The following STOX1 variants were observed in gnomAD, a reference collection of about 807,000 sequenced individuals.
STOX1 encodes the protein storkhead-box protein 1.
A neutral mutation model predicts 74.8 loss-of-function variants in STOX1; 57 were observed. The ratio of observed to expected loss-of-function variants is 0.76; its 90% CI spans 0.62 to 0.95. The LOEUF (loss-of-function observed/expected upper bound fraction) is 0.95, where lower values mean the gene tolerates loss of function less well. Ranked by LOEUF, STOX1 falls within the 40% of genes least tolerant of loss-of-function variation. The pLI, the probability that STOX1 is intolerant of heterozygous loss-of-function variation, is 0.00. For missense variants in STOX1, 1,010 were observed against 1,117.0 expected (o/e 0.90, Z 1.37); for synonymous variants, 375 against 401.3 (o/e 0.93, Z 0.78).
intron 2 of STOX1, 105 bp downstream of exon 2, chr10:68,882,215 C>A: frequency 8.8e-7 from 1 of 1,130,220 alleles, no homozygotes; most frequent in Non-Finnish European, 1.3e-6. Context: ...TTTTTCCCCT[C>A]TTCTATAGAA....
At chr10:68,875,925 A>G (rs1392018613) in intron 1 of STOX1, among the ~76,000 whole-genome samples, 1 of 152,168 alleles carries the variant, frequency 6.6e-6, no homozygotes, top group East Asian at 1.9e-4. Flanking sequence ...TTTGATAGTG[A>G]AGAGCTCAGT....
Position 68,884,283 on chromosome 10 carries a change from A to AG in STOX1, c.487_488insG (p.Ile163SerfsTer11), listed in dbSNP as rs1229277884. On this transcript the variant is annotated frameshift_variant, in exon 3 of 4. Transcript: ENST00000298596. LOFTEE classifies it high-confidence loss of function. ...AGGCATTGCAATTCCATCGGAAGAT[A>AG]TTCTTTATACCACTCTGGGAACGCT... is the stretch of plus-strand genomic sequence containing the variant. The AG allele has an allele frequency of 6.2e-7, 1 of 1,614,064 alleles. No homozygotes were observed. Among genetic ancestry groups the AG allele is most frequent in the Non-Finnish European group, 8.5e-7 (1 of 1,180,038 alleles).
At chr10:68,863,256 C>T (rs1840306101) in intron 1 of STOX1, among the ~76,000 whole-genome samples, 1 of 152,076 alleles carries the variant, frequency 6.6e-6, no homozygotes, top group Non-Finnish European at 1.5e-5. Context: ...TAGAATTGTT[C>T]TCTGTGTCAG....
chr10:68,864,575 C>G (rs902430772), intron 1 of STOX1, among the ~76,000 whole-genome samples: 1 of 152,134 alleles, frequency 6.6e-6, no homozygotes, highest in Non-Finnish European at 1.5e-5. Flanking sequence ...ATCATAGTAG[C>G]GATTTGATCC....
chr10:68,837,529 G>A (rs532549581), intron 1 of STOX1, among the ~76,000 whole-genome samples: 1 of 152,326 alleles, frequency 6.6e-6, no homozygotes, highest in Non-Finnish European at 1.5e-5. Flanking sequence ...TTATAATCCT[G>A]TTTACATGAT....
At chr10:68,865,564 G>T (rs921058299) in intron 1 of STOX1, among the ~76,000 whole-genome samples, 2 of 152,156 alleles carry the variant, frequency 1.3e-5, no homozygotes, top group African/African-American at 2.4e-5. Context: ...CAGGAGAATG[G>T]CATGAACCTG....
chr10:68,865,006 G>C (rs1463371620), intron 1 of STOX1, among the ~76,000 whole-genome samples: 1 of 152,186 alleles, frequency 6.6e-6, no homozygotes, highest in Non-Finnish European at 1.5e-5. Context: ...AGGAGTAGTA[G>C]TCTGAATTTT....
intron 1 of STOX1, among the ~76,000 whole-genome samples, chr10:68,831,389 G>A (rs1331168034): frequency 6.6e-6 from 1 of 152,110 alleles, no homozygotes; most frequent in Non-Finnish European, 1.5e-5. Flanking sequence ...GTTTCACCAT[G>A]TTGGGCATGC....
chr10:68,857,637 A>G (rs1027119714), intron 1 of STOX1, among the ~76,000 whole-genome samples: 8 of 152,104 alleles, frequency 5.3e-5, no homozygotes, highest in Admixed American at 2.6e-4. Flanking sequence ...TAAAAGACAA[A>G]GATTCTGTTT....
At position 68,885,470 on chromosome 10, in the gene STOX1, A is replaced by T; in HGVS notation, c.1674A>T (p.Lys558Asn). Residue 558 changes from lysine (K) to asparagine (N), a missense_variant, in exon 3 of 4, where the codon AAA becomes AAT. Coordinates refer to ENST00000298596, the MANE Select transcript of STOX1 (RefSeq NM_152709.5). ...KEPYAEQPNDKMEAESIYIND... is the reference protein window; with the variant it reads ...KEPYAEQPNDNMEAESIYIND... ...CATATGCTGAACAACCTAATGATAA[A>T]ATGGAAGCAGAATCCATTTACATAA... 6.2e-7 allele frequency: 1 copy of T among 1,614,156 alleles called. No homozygotes were observed. Among genetic ancestry groups the T allele is most frequent in the South Asian group, 1.1e-5 (1 of 91,084 alleles).
At chr10:68,847,714 TAGA>T (rs376546007) in intron 1 of STOX1, among the ~76,000 whole-genome samples, 148 of 149,510 alleles carry the variant, frequency 9.9e-4, no homozygotes, top group African/African-American at 3.5e-3. Context: ...CGCTGGAAGG[TAGA>T]AGTTTTTTTT....
intron 1 of STOX1, among the ~76,000 whole-genome samples, chr10:68,860,285 C>T (rs1010730081): frequency 2.7e-5 from 4 of 149,482 alleles, no homozygotes; most frequent in Non-Finnish European, 4.5e-5. Flanking sequence ...GAAAGAGTCT[C>T]ATTGGTCCAG....
chr10:68,882,070 G>A lies in STOX1; in HGVS notation c.423G>A (p.Thr141=), dbSNP rs539117582. 1 of 1,613,814 alleles carries A rather than the reference G, an allele frequency of 6.2e-7. No homozygotes were observed. The change falls in exon 2 of 4, where the codon ACG becomes ACA. Residue 141 remains threonine (T), a synonymous_variant. Transcript: ENST00000298596. ...SDMNTAQIVV[T]QESLLERLMK... The stretch of plus-strand genomic sequence containing the variant: ...TGAATACAGCTCAGATTGTAGTAAC[G>A]CAGGAATCACTTTTGGAGCGTTTGA...
chr10:68,885,383 G>A lies in STOX1; in HGVS notation c.1587G>A (p.Lys529=), dbSNP rs373756671. 158 of 1,614,150 alleles carry A rather than the reference G, an allele frequency of 9.8e-5. 1 individual carries two copies. Among genetic ancestry groups the A allele is most frequent in the East Asian group, 5.6e-4 (25 of 44,882 alleles). Residue 529 remains lysine, a synonymous_variant, in exon 3 of 4, where the codon AAG becomes AAA. Coordinates refer to ENST00000298596, the MANE Select transcript of STOX1 (RefSeq NM_152709.5). ...LKPSQTGPKE[K]PFQKPRSLDS... ...CCAGCCAGACTGGACCAAAGGAAAA[G>A]CCTTTCCAAAAGCCTAGGTCCTTGG...
chr10:68,844,906 G>A (rs1179380277), intron 1 of STOX1, among the ~76,000 whole-genome samples: 1 of 151,240 alleles, frequency 6.6e-6, no homozygotes, highest in Non-Finnish European at 1.5e-5. Flanking sequence ...GAGACTACAG[G>A]TGCACACCAC....
At chr10:68,858,275 A>G (rs1291154255) in intron 1 of STOX1, among the ~76,000 whole-genome samples, 2 of 152,122 alleles carry the variant, frequency 1.3e-5, no homozygotes, top group Non-Finnish European at 2.9e-5. Context: ...CGTAGAGATC[A>G]GAGCTGCTGA....
At chr10:68,863,919 TG>T (rs1267244808) in intron 1 of STOX1, among the ~76,000 whole-genome samples, 1 of 149,734 alleles carries the variant, frequency 6.7e-6, no homozygotes, top group Non-Finnish European at 1.5e-5. Flanking sequence ...AAGTTCTGCT[TG>T]TTTTTTTTTT....
In STOX1 at chr10:68,884,719, G is replaced by A. The variant is rs57004679; in HGVS notation, c.923G>A (p.Gly308Asp). The A allele has an allele frequency of 1.5e-5, 24 of 1,614,034 alleles. No individual in the cohort carries two copies. Among genetic ancestry groups the A allele is most frequent in the Non-Finnish European group, 2.0e-5 (24 of 1,180,040 alleles). ...PLPYTRDKEK[G>D]KKFGFSLLWR... is the part of the protein sequence containing the mutation. ...CCATACACAAGAGATAAAGAAAAAG[G>A]CAAGAAGTTTGGTTTTAGTCTCTTA... is the stretch of plus-strand genomic sequence containing the variant. Residue 308 changes from glycine to aspartate, a missense_variant, in exon 3 of 4, where the codon GGC becomes GAC. Transcript: ENST00000298596.
intron 1 of STOX1, among the ~76,000 whole-genome samples, chr10:68,869,371 CTGAG>C (rs1239688985): frequency 2.0e-5 from 3 of 152,170 alleles, no homozygotes; most frequent in African/African-American, 7.2e-5. Context: ...TCAATTTACT[CTGAG>C]TGTCTGATGC....
Sources: gnomAD v4.1 joint callset for allele counts (sites outside exome capture counted in the v4.1 genomes callset) on GRCh38, gnomAD v4.1.1 for gene constraint, MANE v1.5 for transcripts, NCBI Gene and HGNC (gene_info 2026-07-23, HGNC 2026-07-21) for gene names.